The following EXOC4 variants were observed in gnomAD, a reference collection of about 807,000 sequenced individuals.
The protein encoded by EXOC4 is exocyst complex component 4.
EXOC4 carries 71 observed loss-of-function variants against 107.2 expected under a neutral mutation model. The ratio of observed to expected loss-of-function variants is 0.66; its 90% confidence interval spans 0.55 to 0.81. The LOEUF (loss-of-function observed/expected upper bound fraction) is 0.81. EXOC4 is among the 30% of genes least tolerant of loss of function. The probability of loss-of-function intolerance (pLI) is 0.00; values close to 1 mark genes in which losing one functional copy is unlikely to be tolerated. For synonymous variants in EXOC4, 456 were observed against 441.2 expected (o/e 1.03, Z -0.42); for missense variants, 1,108 against 1,189.6 (o/e 0.93, Z 1.01).
intron 5 of EXOC4, among the ~76,000 whole-genome samples, chr7:133,336,663 T>A (rs916498065): frequency 2.0e-5 from 3 of 151,332 alleles, no homozygotes; most frequent in Non-Finnish European, 4.4e-5. Flanking sequence ...TTTTTTCAAT[T>A]TTTCTGTTTT....
intron 14 of EXOC4, among the ~76,000 whole-genome samples, chr7:133,961,339 C>T (rs906013164): frequency 5.8e-5 from 7 of 120,468 alleles, no homozygotes; most frequent in East Asian, 2.9e-4. Flanking sequence ...CAGGCTGGAG[C>T]GCAGTGGCAT....
At chr7:133,669,550 A>G in intron 10 of EXOC4, among the ~76,000 whole-genome samples, 1 of 147,990 alleles carries the variant, frequency 6.8e-6, no homozygotes, top group East Asian at 2.0e-4. Context: ...ATTAAATAAT[A>G]TTCAAACACA....
intron 7 of EXOC4, among the ~76,000 whole-genome samples, chr7:133,428,872 A>T (rs2150771685): frequency 6.6e-6 from 1 of 152,106 alleles, no homozygotes; most frequent in South Asian, 2.1e-4. Flanking sequence ...TTTTTCTTAA[A>T]TTTTTTTCTT....
chr7:133,285,641 A>G (rs1295137716), intron 2 of EXOC4, among the ~76,000 whole-genome samples: 3 of 151,934 alleles, frequency 2.0e-5, no homozygotes, highest in Non-Finnish European at 4.4e-5. Context: ...ATGTCAGAAT[A>G]GTGTGTCTTG....
chr7:133,265,242 C>G (rs1373254634), intron 1 of EXOC4, among the ~76,000 whole-genome samples: 1 of 151,904 alleles, frequency 6.6e-6, no homozygotes. Flanking sequence ...AGAGTTTATG[C>G]TTAGTTTTTG....
Position 133,991,765 on chromosome 7 carries a change from T to C in EXOC4, c.2207-5727T>C, listed in dbSNP as rs375935926. On this transcript the variant is annotated intron_variant, in intron 14 of 17. Transcript: ENST00000253861. ...TTGTCAAAATGAATTGGCTGTTAAG[T>C]GTGTGAGTTTATTTCTGGGTTCTCT... is the stretch of plus-strand genomic sequence containing the variant. Among the ~76,000 whole-genome samples, 7 of 152,282 alleles carry C rather than the reference T, an allele frequency of 4.6e-5. No individual in the cohort carries two copies. In the East Asian group the frequency reaches 1.2e-3, roughly 25 times the overall value.
At chr7:133,942,527 G>T (rs1800454764) in intron 14 of EXOC4, among the ~76,000 whole-genome samples, 1 of 152,008 alleles carries the variant, frequency 6.6e-6, no homozygotes, top group Non-Finnish European at 1.5e-5. Context: ...GTAAATTATT[G>T]TTAGGTATCT....
chr7:133,533,169 GA>G (rs1800212138), intron 9 of EXOC4, among the ~76,000 whole-genome samples: 1 of 152,050 alleles, frequency 6.6e-6, no homozygotes, highest in Admixed American at 6.6e-5. Context: ...TGGATTCTTA[GA>G]AGGCCACTTA....
rs564419746 is a variant in EXOC4 at position 133,465,027 on chromosome 7, C to G, written c.1183-10301C>G. ...AGAGACACGGCCTCACTGCTGTTACCCAGGCTGGTCTTGAATTCCTGGCCT... is the reference window on the plus strand; with the variant it reads ...AGAGACACGGCCTCACTGCTGTTACGCAGGCTGGTCTTGAATTCCTGGCCT... On this transcript the variant is annotated intron_variant, in intron 7 of 17. Coordinates refer to ENST00000253861, the MANE Select transcript of EXOC4 (RefSeq NM_021807.4). Among the ~76,000 whole-genome samples, 74 of 151,636 alleles carry G rather than the reference C, an allele frequency of 4.9e-4. 1 individual carries two copies. In the South Asian group the frequency reaches 0.015, roughly 31 times the overall value.
the EXOC4 span, among the ~76,000 whole-genome samples, chr7:134,100,875 T>C: frequency 8.0e-6 from 1 of 125,776 alleles, no homozygotes; most frequent in African/African-American, 2.8e-5. Flanking sequence ...GCCTGGGAGG[T>C]GGAGGTTGCA....
At chr7:133,980,600 T>C (rs905428133) in intron 14 of EXOC4, among the ~76,000 whole-genome samples, 2 of 152,216 alleles carry the variant, frequency 1.3e-5, no homozygotes, top group African/African-American at 4.8e-5. Context: ...AAGAATTTGG[T>C]TCTTAGTTAA....
chr7:134,060,142 C>T (rs1796022552), intron 17 of EXOC4, among the ~76,000 whole-genome samples: 1 of 152,190 alleles, frequency 6.6e-6, no homozygotes, highest in South Asian at 2.1e-4. Flanking sequence ...AGACTCTGCA[C>T]ATGAGACCAG....
chr7:133,898,140 A>G (rs975713122), intron 12 of EXOC4, among the ~76,000 whole-genome samples: 2 of 152,042 alleles, frequency 1.3e-5, no homozygotes, highest in East Asian at 1.9e-4. Flanking sequence ...GCCATTGGAT[A>G]CATTTAAAAT....
At chr7:133,553,746 C>G (rs1439445311) in intron 9 of EXOC4, among the ~76,000 whole-genome samples, 1 of 151,980 alleles carries the variant, frequency 6.6e-6, no homozygotes, top group Non-Finnish European at 1.5e-5. Context: ...GAAAGTATTA[C>G]CGAATTTGAT....
intron 10 of EXOC4, among the ~76,000 whole-genome samples, chr7:133,772,386 G>A (rs865875694): frequency 3.3e-5 from 5 of 152,106 alleles, no homozygotes; most frequent in Middle Eastern, 3.4e-3. Context: ...ATTCAAACTA[G>A]CAGGCTTCCC....
intron 10 of EXOC4, among the ~76,000 whole-genome samples, chr7:133,709,645 CTTTTTTTTTTTTT>C (rs147956984): frequency 8.5e-6 from 1 of 118,146 alleles, no homozygotes; most frequent in African/African-American, 3.2e-5. Flanking sequence ...AATCTGTTTT[CTTTTTTTTTTTTT>C]TTTTTTTTCA....
intron 17 of EXOC4, among the ~76,000 whole-genome samples, chr7:134,040,792 A>G (rs1247396068): frequency 1.3e-5 from 2 of 152,250 alleles, no homozygotes; most frequent in Non-Finnish European, 2.9e-5. Flanking sequence ...TAAGCAAAGC[A>G]TGTTTCAGGA....
chr7:133,792,606 G>A (rs756982630), intron 10 of EXOC4, among the ~76,000 whole-genome samples: 125 of 146,772 alleles, frequency 8.5e-4, no homozygotes, highest in Non-Finnish European at 1.4e-3. Context: ...GTCCGTAGAA[G>A]GTGACTACAA....
At chr7:133,997,015 G>A (rs1031533097) in intron 14 of EXOC4, among the ~76,000 whole-genome samples, 3 of 152,174 alleles carry the variant, frequency 2.0e-5, no homozygotes, top group Non-Finnish European at 2.9e-5. Context: ...GCAGATGTTG[G>A]CTTGATGTAA....
Sources: gnomAD v4.1 joint callset for allele counts (sites outside exome capture counted in the v4.1 genomes callset) on GRCh38, gnomAD v4.1.1 for gene constraint, MANE v1.5 for transcripts, NCBI Gene and HGNC (gene_info 2026-07-23, HGNC 2026-07-21) for gene names.